Variants in TAPT1 observed in about 807,000 individuals in gnomAD.
The protein encoded by TAPT1 is transmembrane anterior posterior transformation 1.
In TAPT1, 28 loss-of-function variants were observed where a neutral mutation model predicts 65.6. That is an observed-to-expected ratio of 0.43 (90% CI 0.32 to 0.59). The LOEUF (loss-of-function observed/expected upper bound fraction) is 0.59. TAPT1 is among the 20% of genes least tolerant of loss of function. The pLI is 0.09. For missense variants in TAPT1, 563 were observed against 679.9 expected (o/e 0.83, Z 1.91); for synonymous variants, 278 against 245.2 (o/e 1.13, Z -1.25).
At chr4:16,212,629 C>T (rs1022935398) in intron 2 of TAPT1, among the ~76,000 whole-genome samples, 1 of 152,144 alleles carries the variant, frequency 6.6e-6, no homozygotes, top group African/African-American at 2.4e-5. Flanking sequence ...CTCAGGCCCC[C>T]CCAGGGAACT....
intron 7 of TAPT1, among the ~76,000 whole-genome samples, chr4:16,185,520 C>G (rs980587585): frequency 6.6e-6 from 1 of 152,106 alleles, no homozygotes; most frequent in African/African-American, 2.4e-5. Flanking sequence ...AGGTACCCGC[C>G]ACCACACCCA....
At chr4:16,227,148 C>G (rs766604315), upstream of TAPT1, 15 of 455,904 alleles carry the variant, frequency 3.3e-5, 1 homozygote, top group South Asian at 2.3e-4. Flanking sequence ...AGCATTTGGG[C>G]AAGAAGGAGC....
intron 8 of TAPT1, among the ~76,000 whole-genome samples, chr4:16,177,808 G>C (rs992033768): frequency 7.3e-6 from 1 of 137,744 alleles, no homozygotes; most frequent in African/African-American, 3.0e-5. Context: ...TCCATAAATG[G>C]CACTTTGTTG....
At chr4:16,224,428 C>A (rs1258091925) in intron 1 of TAPT1, among the ~76,000 whole-genome samples, 1 of 152,062 alleles carries the variant, frequency 6.6e-6, no homozygotes, top group South Asian at 2.1e-4. Context: ...AGCAGGGACA[C>A]CAGGGGAAAA....
chr4:16,173,688 G>A (rs370863002), intron 11 of TAPT1, among the ~76,000 whole-genome samples: 4 of 152,006 alleles, frequency 2.6e-5, no homozygotes, highest in East Asian at 1.9e-4. Context: ...AACCTATTTC[G>A]TTTGTTTCTA....
At chr4:16,169,266 T>G (rs144588264) in intron 12 of TAPT1, among the ~76,000 whole-genome samples, 1 of 152,228 alleles carries the variant, frequency 6.6e-6, no homozygotes, top group Admixed American at 6.5e-5. Flanking sequence ...CACATACCCC[T>G]GGATGAACTA....
intron 1 of TAPT1, among the ~76,000 whole-genome samples, chr4:16,216,912 G>C (rs978322412): frequency 3.3e-5 from 5 of 152,122 alleles, no homozygotes; most frequent in African/African-American, 1.2e-4. Flanking sequence ...TACCTTCTCA[G>C]TGCGGGCCAT....
In TAPT1 at chr4:16,226,381, C is replaced by T. The variant is rs1751565265; in HGVS notation, c.77G>A (p.Arg26His). The change falls in exon 1 of 14, where the codon CGC becomes CAC. Residue 26 changes from arginine to histidine, a missense_variant. Around this residue, in one of 5 missense-constraint regions of TAPT1, gnomAD observed 103 missense variants for 89.4 expected, o/e 1.15. Transcript: ENST00000405303. ...GCCGCCCGGCTGCTCCGCCTCGCCG[C>T]GGCCGTCCCGCTGCGGGCCGTCCAC... Reference protein sequence around the residue: ...GGVDGPQRDGRGEAEQPGGSG... With the variant: ...GGVDGPQRDGHGEAEQPGGSG... 7 of 1,103,618 alleles carry T rather than the reference C, an allele frequency of 6.3e-6. No individual in the cohort carries two copies. The highest frequency in any genetic ancestry group is 4.3e-5 in the South Asian group (1 of 23,240). 68.4% of individuals were successfully genotyped at this position (1,103,618 alleles called of 1,614,324 possible). A position where few individuals can be genotyped will look rare whatever the true frequency, so the allele number is the denominator to read the frequency against.
In TAPT1 at chr4:16,217,624, A is replaced by C. The variant is rs565783497; in HGVS notation, c.200-3726T>G. Among the ~76,000 whole-genome samples, 53 of 152,366 alleles carry C rather than the reference A, an allele frequency of 3.5e-4. No individual in the cohort carries two copies. The South Asian group carries it at 0.011, about 30-fold the overall frequency. On this transcript the variant is annotated intron_variant, in intron 1 of 13. Transcript: ENST00000405303. ...CTCTATTGAAAGATGATCTATATGA[A>C]AACAAAACTGGAATTAATCAAAATG... is the stretch of plus-strand genomic sequence containing the variant.
intron 8 of TAPT1, among the ~76,000 whole-genome samples, chr4:16,178,708 T>C (rs186651449): frequency 1.1e-4 from 17 of 152,348 alleles, no homozygotes; most frequent in Admixed American, 9.1e-4. Flanking sequence ...GCTAACTGAA[T>C]GGATAATGAA....
intron 2 of TAPT1, among the ~76,000 whole-genome samples, chr4:16,204,259 C>A (rs981963632): frequency 1.3e-5 from 2 of 152,154 alleles, no homozygotes; most frequent in African/African-American, 4.8e-5. Flanking sequence ...GGATAGGCAG[C>A]CAGGCTGAAA....
At chr4:16,208,760 A>G (rs965723970) in intron 2 of TAPT1, among the ~76,000 whole-genome samples, 1 of 152,244 alleles carries the variant, frequency 6.6e-6, no homozygotes, top group Admixed American at 6.5e-5. Flanking sequence ...CAGCTTTTCC[A>G]TTCTATACAG....
At position 16,163,591 on chromosome 4, in the gene TAPT1, T is replaced by C. The variant is rs980600826; in HGVS notation, c.1475-54A>G. On this transcript the variant is annotated intron_variant, in intron 13 of 13. Coordinates refer to ENST00000405303, the MANE Select transcript of TAPT1 (RefSeq NM_153365.3). ...AGAAAGACTTTTCTCCAATTATTAA[T>C]AAATACAAACTTACCAATACAGTGG... 10 of 1,409,954 alleles carry C rather than the reference T, an allele frequency of 7.1e-6. No homozygotes were observed. The Admixed American group carries it at 1.0e-4, about 14-fold the overall frequency. The allele number at this position is 1,409,954 out of a possible 1,614,324, so 87.3% of individuals were successfully genotyped here.
intron 2 of TAPT1, among the ~76,000 whole-genome samples, chr4:16,212,394 A>G (rs149922602): frequency 3.7e-4 from 56 of 152,352 alleles, no homozygotes; most frequent in Non-Finnish European, 6.5e-4. Context: ...CTCATGGCTT[A>G]TTGCTGGAAG....
intron 1 of TAPT1, among the ~76,000 whole-genome samples, chr4:16,218,241 T>C (rs1751049718): frequency 6.6e-6 from 1 of 152,084 alleles, no homozygotes; most frequent in Non-Finnish European, 1.5e-5. Flanking sequence ...CCGTCTCTAC[T>C]AAAAATACAA....
upstream of TAPT1, chr4:16,227,235 C>A: frequency 2.2e-6 from 1 of 455,458 alleles, no homozygotes; most frequent in Non-Finnish European, 4.4e-6. Flanking sequence ...AGGGCTGGCG[C>A]GCCGGCGGAC....
At position 16,191,417 on chromosome 4, in the gene TAPT1, G is replaced by A. The variant is rs771467593; in HGVS notation, c.556C>T (p.His186Tyr). 6.3e-7 allele frequency: 1 copy of A among 1,595,860 alleles called. No individual in the cohort carries two copies. The highest frequency in any genetic ancestry group is 2.3e-5 in the East Asian group (1 of 44,270). ...MHYVDYSMMY[H>Y]LIRGQSVIKL... The stretch of plus-strand genomic sequence containing the variant: ...ATGACGGACTGCCCCCTTATCAGGT[G>A]GTACATCATGGAGTAGTCAACATAG... Residue 186 changes from histidine to tyrosine, a missense_variant, in exon 4 of 14, where the codon CAC (histidine) becomes TAC (tyrosine). His to Tyr is a moderately conservative substitution (Grantham distance 83). This residue lies in a region of TAPT1 where 217 missense variants were observed against 317.5 expected (regional missense o/e 0.68). Transcript: ENST00000405303.
intron 5 of TAPT1, among the ~76,000 whole-genome samples, chr4:16,187,492 C>T (rs1336371700): frequency 2.0e-5 from 3 of 152,114 alleles, no homozygotes; most frequent in Admixed American, 6.6e-5. Flanking sequence ...AACTGCTTTA[C>T]TCCATTAAAA....
At chr4:16,218,232 C>T (rs1362471239) in intron 1 of TAPT1, among the ~76,000 whole-genome samples, 3 of 152,084 alleles carry the variant, frequency 2.0e-5, no homozygotes, top group African/African-American at 4.8e-5. Context: ...GGCGAAACCC[C>T]GTCTCTACTA....
Sources: gnomAD v4.1 joint callset for allele counts (sites outside exome capture counted in the v4.1 genomes callset) on GRCh38, gnomAD v4.1.1 for gene constraint, gnomAD v4.1.1 regional missense constraint, MANE v1.5 for transcripts, NCBI Gene and HGNC (gene_info 2026-07-23, HGNC 2026-07-21) for gene names.